SKIC3: variants seen among roughly 807,000 people sequenced by gnomAD.
SKIC3 encodes the protein superkiller complex protein 3.
At chr5:95,496,051 C>A in the SKIC3 span, among the ~76,000 whole-genome samples, 1 of 151,550 alleles carries the variant, frequency 6.6e-6, no homozygotes, top group African/African-American at 2.4e-5. Context: ...GGAGTCTTGC[C>A]CTGTCACCCA....
chr5:95,537,006 A>T, the SKIC3 span: 1 of 1,603,298 alleles, frequency 6.2e-7, no homozygotes, highest in Non-Finnish European at 8.5e-7. Flanking sequence ...TTAGAAATAC[A>T]TACAAGTCAC....
chr5:95,532,239 G>T, the SKIC3 span, among the ~76,000 whole-genome samples: 1 of 152,038 alleles, frequency 6.6e-6, no homozygotes. Flanking sequence ...TCAAAGTGTG[G>T]GTTGGTACAC....
the SKIC3 span, among the ~76,000 whole-genome samples, chr5:95,535,169 T>C: frequency 1.3e-5 from 2 of 152,166 alleles, no homozygotes; most frequent in East Asian, 3.9e-4. Context: ...TAAGACTTTA[T>C]ACTCCACTCA....
At chr5:95,497,072 C>T in the SKIC3 span, among the ~76,000 whole-genome samples, 1 of 152,096 alleles carries the variant, frequency 6.6e-6, no homozygotes, top group African/African-American at 2.4e-5. Flanking sequence ...TTTTGGGATT[C>T]AAAAACACAT....
At chr5:95,518,669 C>T in the SKIC3 span, among the ~76,000 whole-genome samples, 1 of 151,968 alleles carries the variant, frequency 6.6e-6, no homozygotes, top group Non-Finnish European at 1.5e-5. Flanking sequence ...AATAGTATTC[C>T]ATTGCATATA....
At chr5:95,471,353 T>C in the SKIC3 span, among the ~76,000 whole-genome samples, 3 of 152,202 alleles carry the variant, frequency 2.0e-5, no homozygotes, top group Non-Finnish European at 4.4e-5. Flanking sequence ...AAAAAGTTAC[T>C]ATATATACCT....
chr5:95,514,938 C>A, the SKIC3 span: 2 of 1,610,450 alleles, frequency 1.2e-6, no homozygotes, highest in Non-Finnish European at 1.7e-6. Flanking sequence ...GAAAAAAAGG[C>A]AAAAAATATT....
At chr5:95,543,062 A>C in the SKIC3 span, 1 of 1,232,566 alleles carries the variant, frequency 8.1e-7, no homozygotes, top group Non-Finnish European at 1.1e-6. Flanking sequence ...AATAAATTTA[A>C]ATTTTTTCTT....
chr5:95,523,436 C>T, the SKIC3 span: 5 of 1,290,252 alleles, frequency 3.9e-6, no homozygotes, highest in Non-Finnish European at 5.4e-6. Context: ...ATTTTTTAAA[C>T]TTACACTGGT....
chr5:95,479,941 G>A, the SKIC3 span, among the ~76,000 whole-genome samples: 1 of 151,998 alleles, frequency 6.6e-6, no homozygotes, highest in Admixed American at 6.6e-5. Flanking sequence ...GGAAAATAAG[G>A]AGGCCTGAAG....
At chr5:95,512,261 C>CT in the SKIC3 span, among the ~76,000 whole-genome samples, 2 of 152,086 alleles carry the variant, frequency 1.3e-5, no homozygotes, top group African/African-American at 4.8e-5. Context: ...AAGGAAATTA[C>CT]TTTTTTCTTG....
At chr5:95,497,580 C>G in the SKIC3 span, 1 of 941,838 alleles carries the variant, frequency 1.1e-6, no homozygotes, top group Non-Finnish European at 1.6e-6. Context: ...TAAAACTTTT[C>G]TTAATATCTA....
the SKIC3 span, among the ~76,000 whole-genome samples, chr5:95,534,435 C>T: frequency 6.6e-6 from 1 of 152,132 alleles, no homozygotes; most frequent in South Asian, 2.1e-4. Flanking sequence ...CCTACTACTC[C>T]CTAATGCACT....
chr5:95,492,652 G>GAAAAAAAAAAAAAAAAAAAAAAAA, the SKIC3 span, among the ~76,000 whole-genome samples: 31 of 48,840 alleles, frequency 6.3e-4, 9 homozygotes, highest in Non-Finnish European at 8.8e-4. Flanking sequence ...AAAAAAAAAA[G>GAAAAAAAAAAAAAAAAAAAAAAAA]AAAAAAAAAA....
the SKIC3 span, chr5:95,525,299 G>GA: frequency 8.6e-7 from 1 of 1,156,992 alleles, no homozygotes; most frequent in East Asian, 2.4e-5. Context: ...TCAAATTCAT[G>GA]AAAAATCAAA....
At chr5:95,541,831 G>C in the SKIC3 span, 59 of 1,611,776 alleles carry the variant, frequency 3.7e-5, no homozygotes, top group South Asian at 6.1e-4. Flanking sequence ...TAAAGATCCA[G>C]GAGCTTTTGG....
At chr5:95,498,694 C>T in the SKIC3 span, 3 of 1,064,504 alleles carry the variant, frequency 2.8e-6, no homozygotes, top group Non-Finnish European at 4.1e-6. Context: ...GGCACCATCT[C>T]GGCTCACTGC....
the SKIC3 span, chr5:95,478,456 AAGG>A: frequency 7.4e-6 from 12 of 1,613,586 alleles, no homozygotes; most frequent in African/African-American, 1.3e-5. Context: ...AGAAACAAAA[AAGG>A]AGAAGGAGGC....
At chr5:95,548,393 T>A in the SKIC3 span, among the ~76,000 whole-genome samples, 1 of 152,134 alleles carries the variant, frequency 6.6e-6, no homozygotes, top group Non-Finnish European at 1.5e-5. Flanking sequence ...ACTTAAAAAA[T>A]GTTAGGATTC....
Sources: allele counts gnomAD v4.1 joint callset (sites outside exome capture counted in the v4.1 genomes callset), GRCh38; gene constraint gnomAD v4.1.1; transcripts MANE v1.5; gene names NCBI Gene and HGNC (gene_info 2026-07-23, HGNC 2026-07-21).